The following ARHGAP25 variants were observed in gnomAD, a reference collection of about 807,000 sequenced individuals.
ARHGAP25 encodes rho GTPase-activating protein 25.
In ARHGAP25, 34 loss-of-function variants were observed where a neutral mutation model predicts 71.0. The ratio of observed to expected loss-of-function variants is 0.48; its 90% CI spans 0.36 to 0.64. The LOEUF (loss-of-function observed/expected upper bound fraction) is 0.64. Among genes scored for constraint, ARHGAP25 ranks in the 30% least tolerant of loss-of-function variants. The probability of loss-of-function intolerance (pLI) is 0.00; values close to 1 mark genes in which losing one functional copy is unlikely to be tolerated. For synonymous variants in ARHGAP25, 282 were observed against 296.5 expected, an observed-to-expected ratio of 0.95 and a Z score of 0.50; for missense variants, 706 against 805.1, an observed-to-expected ratio of 0.88 and a Z score of 1.49.
chr2:68,796,908 G>A (rs1393319544), intron 4 of ARHGAP25, among the ~76,000 whole-genome samples: 1 of 152,192 alleles, frequency 6.6e-6, no homozygotes, highest in Non-Finnish European at 1.5e-5. Context: ...TGTTCTTCTA[G>A]TTCTCAAGCA....
chr2:68,766,788 T>C (rs1308594621), intron 1 of ARHGAP25, among the ~76,000 whole-genome samples: 4 of 151,762 alleles, frequency 2.6e-5, no homozygotes, highest in Non-Finnish European at 5.9e-5. Context: ...CTCTCTGTCA[T>C]TCTCTCTCCC....
rs146913211 is a variant in ARHGAP25, at chr2:68,767,262, G to C, written c.62-7959G>C. ...AAAGAATGATGGGTGCTTTTCAATG[G>C]GGGGGTGGCGTTTGCTTTGAAGACA... On this transcript the variant is annotated intron_variant, in intron 1 of 10. Transcript: ENST00000409202. This position sits in a 1 kb window ranked among gnomAD's most constrained non-coding sequence, Gnocchi z 4.6. Among the ~76,000 whole-genome samples the C allele has an allele frequency of 1.3e-3, 193 of 152,158 alleles. No homozygotes were observed. Among genetic ancestry groups the C allele is most frequent in the African/African-American group, 4.0e-3 (166 of 41,480 alleles).
At chr2:68,818,337 G>A (rs978601796) in intron 8 of ARHGAP25, among the ~76,000 whole-genome samples, 8 of 152,018 alleles carry the variant, frequency 5.3e-5, no homozygotes, top group African/African-American at 1.5e-4. Flanking sequence ...TTTTATTTAG[G>A]TATTTATTGA....
At chr2:68,758,615 G>A (rs1454100048) in intron 1 of ARHGAP25, among the ~76,000 whole-genome samples, 1 of 151,746 alleles carries the variant, frequency 6.6e-6, no homozygotes, top group Non-Finnish European at 1.5e-5. Context: ...TATAAAGCAA[G>A]CATTGATAAA....
rs1558671700 is a variant in ARHGAP25 at position 68,826,098 on chromosome 2, G to A, written c.1845G>A (p.Glu615=). ...AALEISLRNM[E]RSREDVEKRN... ...TAGAGATCAGCCTCCGCAACATGGAGCGCTCCCGGGAGGATGTTGAGAAGA... is the reference window on the plus strand; with the variant it reads ...TAGAGATCAGCCTCCGCAACATGGAACGCTCCCGGGAGGATGTTGAGAAGA... The change falls in exon 11 of 11, where the codon GAG becomes GAA. Residue 615 remains glutamate, a synonymous_variant. Transcript: ENST00000409202. The A allele has an allele frequency of 5.0e-6, 8 of 1,614,130 alleles. No homozygotes were observed. Among genetic ancestry groups the A allele is most frequent in the South Asian group, 3.3e-5 (3 of 91,082 alleles).
At chr2:68,787,032 T>C (rs1337253068) in intron 3 of ARHGAP25, among the ~76,000 whole-genome samples, 4 of 152,218 alleles carry the variant, frequency 2.6e-5, no homozygotes, top group Non-Finnish European at 5.9e-5. Context: ...TCAGATCTGA[T>C]ACTAACTAAC....
At position 68,767,122 on chromosome 2, in the gene ARHGAP25, G is replaced by A. The variant is rs114972696; in HGVS notation, c.62-8099G>A. ...AAGGGTGAGTGCCCTGGGAAGACCC[G>A]TGTGGTTTAATTTCAGGGTACAGAG... On this transcript the variant is annotated intron_variant, in intron 1 of 10. Transcript: ENST00000409202. This position sits in a 1 kb window ranked among gnomAD's most constrained non-coding sequence, Gnocchi z 4.6. Among the ~76,000 whole-genome samples, 1,301 of 152,280 alleles carry A rather than the reference G, an allele frequency of 8.5e-3. 19 individuals carry two copies. Among genetic ancestry groups the A allele is most frequent in the African/African-American group, 0.03 (1,230 of 41,546 alleles).
At chr2:68,781,945 G>C (rs2104389556) in intron 2 of ARHGAP25, among the ~76,000 whole-genome samples, 1 of 152,264 alleles carries the variant, frequency 6.6e-6, no homozygotes, top group Middle Eastern at 3.4e-3. Flanking sequence ...TTGGGTCCTT[G>C]GAAAAGTGGG....
intron 6 of ARHGAP25, 43 bp downstream of exon 6, chr2:68,813,462 A>C: frequency 6.3e-7 from 1 of 1,593,364 alleles, no homozygotes; most frequent in Non-Finnish European, 8.6e-7. Context: ...GAAGAAAGTG[A>C]TTGGTTTTCT....
intron 4 of ARHGAP25, among the ~76,000 whole-genome samples, chr2:68,799,677 G>GC (rs956373523): frequency 1.3e-5 from 2 of 152,200 alleles, no homozygotes; most frequent in African/African-American, 2.4e-5. Context: ...GTCCTTGACA[G>GC]CTTTATGTTC....
intron 1 of ARHGAP25, among the ~76,000 whole-genome samples, chr2:68,750,923 A>G (rs914988243): frequency 2.6e-5 from 4 of 152,196 alleles, no homozygotes; most frequent in African/African-American, 9.6e-5. Context: ...AGGCACTAAT[A>G]ATAGTTATTA....
intron 2 of ARHGAP25, among the ~76,000 whole-genome samples, chr2:68,780,463 G>A (rs1678243976): frequency 6.6e-6 from 1 of 152,166 alleles, no homozygotes; most frequent in South Asian, 2.1e-4. Context: ...TTTTCTGAAG[G>A]CATGGATGTG....
Position 68,819,019 on chromosome 2 carries a change from A to G in ARHGAP25, c.1004-104A>G, listed in dbSNP as rs993445256. 5.8e-6 allele frequency: 6 copies of G among 1,027,684 alleles called. No individual in the cohort carries two copies. The Admixed American group carries it at 1.0e-4, about 17-fold the overall frequency. The allele number at this position is 1,027,684 out of a possible 1,614,324, so 63.7% of individuals were successfully genotyped here. On this transcript the variant is annotated intron_variant, in intron 8 of 10. Transcript: ENST00000409202. Reference sequence around the variant, plus strand: ...GCAAAATGAGGCCCTTCTGGGCCCTATAGTTTTAGAACCGAGTTTGGAGAC... The same window carrying G: ...GCAAAATGAGGCCCTTCTGGGCCCTGTAGTTTTAGAACCGAGTTTGGAGAC...
At chr2:68,753,726 G>A (rs1260240870) in intron 1 of ARHGAP25, among the ~76,000 whole-genome samples, 1 of 152,112 alleles carries the variant, frequency 6.6e-6, no homozygotes, top group Non-Finnish European at 1.5e-5. Flanking sequence ...ACCTCAACAA[G>A]TCGCTGTAGA....
At position 68,826,673 on chromosome 2, in the gene ARHGAP25, C is replaced by G. The variant is rs1411521077; in HGVS notation, c.*479C>G. ...TGCTGTGTTTGGGGGGCTGCATCTG[C>G]TGAAGCGAGAACCCCATTCTGCCAC... On this transcript the variant is annotated 3_prime_UTR_variant, in exon 11 of 11. Coordinates refer to ENST00000409202, the MANE Select transcript of ARHGAP25 (RefSeq NM_001007231.3). 2 of 219,202 alleles carry G rather than the reference C, an allele frequency of 9.1e-6. No individual in the cohort carries two copies. Among genetic ancestry groups the G allele is most frequent in the East Asian group, 2.4e-4 (2 of 8,408 alleles). 13.6% of individuals were successfully genotyped at this position (219,202 alleles called of 1,614,324 possible).
intron 4 of ARHGAP25, among the ~76,000 whole-genome samples, chr2:68,800,993 G>A (rs1679922208): frequency 6.6e-6 from 1 of 152,100 alleles, no homozygotes; most frequent in Admixed American, 6.5e-5. Context: ...TTAGGACCCA[G>A]AGGTCAGACA....
At chr2:68,802,698 T>C (rs1420218921) in intron 4 of ARHGAP25, among the ~76,000 whole-genome samples, 3 of 85,770 alleles carry the variant, frequency 3.5e-5, no homozygotes, top group African/African-American at 7.5e-5. Context: ...CTTATGGGAA[T>C]AGAGGAGAAA....
intron 4 of ARHGAP25, among the ~76,000 whole-genome samples, chr2:68,803,484 G>A (rs1680155132): frequency 6.6e-6 from 1 of 152,036 alleles, no homozygotes; most frequent in African/African-American, 2.4e-5. Flanking sequence ...TCTAGAAGTA[G>A]ACATTTTTAT....
rs1056801809 is a variant in ARHGAP25, at chr2:68,790,211, G to A, written c.466+2255G>A. 4.6e-5 allele frequency among the ~76,000 whole-genome samples: 7 copies of A among 152,176 alleles called. No individual in the cohort carries two copies. In the South Asian group the frequency reaches 6.2e-4, roughly 14 times the overall value. Reference sequence around the variant, plus strand: ...ACCTTGTTTTGGCCAGGCTGGTCTCGAACTCCTGACCTTAGGTGATCCACC... The same window carrying A: ...ACCTTGTTTTGGCCAGGCTGGTCTCAAACTCCTGACCTTAGGTGATCCACC... On this transcript the variant is annotated intron_variant, in intron 4 of 10. Coordinates refer to ENST00000409202, the MANE Select transcript of ARHGAP25 (RefSeq NM_001007231.3).
Sources: allele counts gnomAD v4.1 joint callset (sites outside exome capture counted in the v4.1 genomes callset), GRCh38; gene constraint gnomAD v4.1.1; non-coding constraint Gnocchi (gnomAD v3.1); transcripts MANE v1.5; gene names NCBI Gene and HGNC (gene_info 2026-07-23, HGNC 2026-07-21).